THNSL2: variants seen among roughly 807,000 people sequenced by gnomAD.
THNSL2 encodes the protein threonine synthase like 2.
THNSL2 carries 34 observed loss-of-function variants against 40.0 expected under a neutral mutation model. The observed-to-expected ratio is 0.85, with a 90% CI of 0.65 to 1.13. The LOEUF (loss-of-function observed/expected upper bound fraction) is 1.13. THNSL2 is among the 50% of genes most tolerant of loss of function. The pLI is 0.00. For synonymous variants in THNSL2, 241 were observed against 247.5 expected (o/e 0.97, Z 0.25); for missense variants, 537 against 608.8 (o/e 0.88, Z 1.24).
At position 88,173,330 on chromosome 2, in the gene THNSL2, C is replaced by T. The variant is rs1676561188; in HGVS notation, c.180C>T (p.Ala60=). Residue 60 remains alanine, a synonymous_variant, in exon 2 of 9, where the codon GCC becomes GCT. Transcript: ENST00000674334. ...SYPGLVKELC[A]LFIGSELLPK... ...CTGGCCTGGTGAAGGAGCTGTGTGC[C>T]CTCTTCATTGGCTCTGAGCTCCTTC... is the stretch of plus-strand genomic sequence containing the variant. The T allele has an allele frequency of 6.2e-7, 1 of 1,611,798 alleles. No individual in the cohort carries two copies. Among genetic ancestry groups the T allele is most frequent in the South Asian group, 1.1e-5 (1 of 90,936 alleles).
In THNSL2 at chr2:88,175,276, C is replaced by A; in HGVS notation, c.446C>A (p.Ala149Asp). 1.2e-6 allele frequency: 2 copies of A among 1,614,122 alleles called. No homozygotes were observed. The highest frequency in any genetic ancestry group is 1.7e-5 in the Admixed American group (1 of 60,008). ...VGTSGDTGSA[A>D]IESVQGAKNM... ...ACATCTGGGGACACAGGAAGTGCTG[C>A]CATTGAGAGTGTTCAAGGGGCAAAG... is the stretch of plus-strand genomic sequence containing the variant. The change falls in exon 4 of 9, where the codon GCC becomes GAC. Residue 149 changes from alanine (A) to aspartate (D), a missense_variant. Ala to Asp is a moderately radical substitution (Grantham distance 126). Transcript: ENST00000674334.
chr2:88,177,428 A>G (rs1677053937), intron 4 of THNSL2, among the ~76,000 whole-genome samples: 1 of 152,220 alleles, frequency 6.6e-6, no homozygotes, highest in Admixed American at 6.5e-5. Context: ...TACATTGTAT[A>G]CTTGGTTCTT....
At position 88,186,472 on chromosome 2, in the gene THNSL2, G is replaced by A. The variant is rs886246702; in HGVS notation, c.*349G>A. 1 of 279,494 alleles carries A rather than the reference G, an allele frequency of 3.6e-6. No individual in the cohort carries two copies. The highest frequency in any genetic ancestry group is 4.4e-5 in the Admixed American group (1 of 22,776). 17.3% of individuals were successfully genotyped at this position (279,494 alleles called of 1,614,324 possible). A position where few individuals can be genotyped will look rare whatever the true frequency, so the allele number is the denominator to read the frequency against. Reference sequence around the variant, plus strand: ...GGACCCCAGACCTGTGAAGGTGGGAGCAGCTCACCACCTTCACGCAGGCTT... The same window carrying A: ...GGACCCCAGACCTGTGAAGGTGGGAACAGCTCACCACCTTCACGCAGGCTT... On this transcript the variant is annotated 3_prime_UTR_variant, in exon 9 of 9. Coordinates refer to ENST00000674334, the MANE Select transcript of THNSL2 (RefSeq NM_018271.5).
At position 88,183,018 on chromosome 2, in the gene THNSL2, T is replaced by G. The variant is rs780510964; in HGVS notation, c.1022T>G (p.Met341Arg). Residue 341 changes from methionine (M) to arginine (R), a missense_variant, in exon 7 of 9, where the codon ATG becomes AGG. Physicochemically the swap from Met to Arg is moderately conservative, Grantham distance 91. Coordinates refer to ENST00000674334, the MANE Select transcript of THNSL2 (RefSeq NM_018271.5). Reference protein sequence around the residue: ...GSDSQVTRALMEQFERTQSVN... With the variant: ...GSDSQVTRALREQFERTQSVN... ...GACAGCCAGGTGACAAGAGCCCTCA[T>G]GGAGCAGTTTGAAAGGACCCAAAGT... The G allele has an allele frequency of 6.2e-7, 1 of 1,613,916 alleles. No homozygotes were observed. The highest frequency in any genetic ancestry group is 2.2e-5 in the East Asian group (1 of 44,882).
chr2:88,183,210 CT>C, intron 7 of THNSL2, 137 bp downstream of exon 7: 1 of 1,157,400 alleles, frequency 8.6e-7, no homozygotes, highest in Non-Finnish European at 1.2e-6. Flanking sequence ...TTTACGGCCA[CT>C]TTACATGGAA....
chr2:88,182,950 G>C lies in THNSL2; in HGVS notation c.954G>C (p.Val318=). The change falls in exon 7 of 9, where the codon GTG becomes GTC. Residue 318 remains valine (V), a splice_region_variant and synonymous_variant. Coordinates refer to ENST00000674334, the MANE Select transcript of THNSL2 (RefSeq NM_018271.5). Reference sequence around the variant, plus strand: ...CCTGAAACTGACTTTCTGCTCAGGTGCCCTACAACATGGAGAGGGTGTTCT... The same window carrying C: ...CCTGAAACTGACTTTCTGCTCAGGTCCCCTACAACATGGAGAGGGTGTTCT... The part of the protein sequence containing the change: ...STLASAMDIQ[V]PYNMERVFWL... 6.2e-7 allele frequency: 1 copy of C among 1,614,154 alleles called. No individual in the cohort carries two copies. The highest frequency in any genetic ancestry group is 8.5e-7 in the Non-Finnish European group (1 of 1,180,032).
chr2:88,171,074 G>A (rs79892776), intron 1 of THNSL2, among the ~76,000 whole-genome samples: 16,982 of 152,150 alleles, frequency 0.11, 1,157 homozygotes, highest in Admixed American at 0.18. Context: ...AATCCCAGGG[G>A]ACACGTAGTC....
chr2:88,172,730 G>C (rs35701411), intron 1 of THNSL2: 47,464 of 156,014 alleles, frequency 0.3, 7,718 homozygotes, highest in Middle Eastern at 0.37. Context: ...AGTGGACCGA[G>C]ACGTCCCTGA....
chr2:88,183,396 G>A (rs13425241), intron 7 of THNSL2: 46,146 of 224,414 alleles, frequency 0.21, 6,278 homozygotes, highest in East Asian at 0.5. Flanking sequence ...TGAGATTTAA[G>A]TCAAATAATA....
At position 88,179,849 on chromosome 2, in the gene THNSL2, G is replaced by A. The variant is rs373079581; in HGVS notation, c.802+836G>A. Among the ~76,000 whole-genome samples the A allele has an allele frequency of 1.6e-4, 24 of 152,320 alleles. No individual in the cohort carries two copies. In the East Asian group the frequency reaches 3.9e-3, roughly 25 times the overall value. On this transcript the variant is annotated intron_variant, in intron 5 of 8. Coordinates refer to ENST00000674334, the MANE Select transcript of THNSL2 (RefSeq NM_018271.5). ...CTGGTTACAGAGCTGGGCCAGAAGC[G>A]CGACCCAGGTAGTCTGGCTGCAGAG...
At position 88,186,433 on chromosome 2, in the gene THNSL2, G is replaced by A. The variant is rs995102450; in HGVS notation, c.*310G>A. 6.2e-6 allele frequency: 2 copies of A among 322,246 alleles called. No individual in the cohort carries two copies. The highest frequency in any genetic ancestry group is 5.4e-5 in the African/African-American group (2 of 36,948). The allele number at this position is 322,246 out of a possible 1,614,324, so 20.0% of individuals were successfully genotyped here. A position where few individuals can be genotyped will look rare whatever the true frequency, so the allele number is the denominator to read the frequency against. The stretch of plus-strand genomic sequence containing the variant: ...AGGCTTGGGCACAGGACTGACCATG[G>A]CTCCAGGGGTTTAGGACCCCAGACC... On this transcript the variant is annotated 3_prime_UTR_variant, in exon 9 of 9. Coordinates refer to ENST00000674334, the MANE Select transcript of THNSL2 (RefSeq NM_018271.5).
chr2:88,173,122 G>T lies in THNSL2; in HGVS notation c.-12-17G>T. On this transcript the variant is annotated splice_polypyrimidine_tract_variant and intron_variant, in intron 1 of 8. Transcript: ENST00000674334. The stretch of plus-strand genomic sequence containing the variant: ...GAGCTTGGAGACCAGGTGCTTCTGG[G>T]ACTGTCCTCTCTGCAGGCCTCCAGG... 6.7e-7 allele frequency: 1 copy of T among 1,485,108 alleles called. No individual in the cohort carries two copies. Among genetic ancestry groups the T allele is most frequent in the South Asian group, 1.4e-5 (1 of 70,994 alleles). The allele number at this position is 1,485,108 out of a possible 1,614,324, so 92.0% of individuals were successfully genotyped here. A position where few individuals can be genotyped will look rare whatever the true frequency, so the allele number is the denominator to read the frequency against.
chr2:88,174,842 T>C lies in THNSL2; in HGVS notation c.418+9T>C. ...CGTCACTGTGGTTGTAGGTGTGTTT[T>C]TGGGGCACAAACGCAGAATACCTGA... On this transcript the variant is annotated intron_variant, in intron 3 of 8. Transcript: ENST00000674334. 1 of 1,613,360 alleles carries C rather than the reference T, an allele frequency of 6.2e-7. No individual in the cohort carries two copies. Among genetic ancestry groups the C allele is most frequent in the Non-Finnish European group, 8.5e-7 (1 of 1,179,422 alleles).
chr2:88,175,467 A>G, intron 4 of THNSL2, 66 bp downstream of exon 4: 1 of 1,580,290 alleles, frequency 6.3e-7, no homozygotes, highest in Non-Finnish European at 8.6e-7. Flanking sequence ...GCTTTGGGAG[A>G]TGGACTGGAA....
intron 7 of THNSL2, among the ~76,000 whole-genome samples, chr2:88,184,181 T>G (rs939220453): frequency 6.6e-6 from 1 of 152,198 alleles, no homozygotes; most frequent in Admixed American, 6.6e-5. Flanking sequence ...CTTCTTTTGA[T>G]GCACCCAAAG....
At chr2:88,174,560 CTT>C in intron 2 of THNSL2, 77 bp from the exon 3 acceptor site, 2 of 1,477,032 alleles carry the variant, frequency 1.4e-6, no homozygotes, top group East Asian at 4.6e-5. Context: ...GAGTTGGAAA[CTT>C]TATATTCAGA....
rs768760412 is a variant in THNSL2, at chr2:88,173,178, G to T, written c.28G>T (p.Ala10Ser). The T allele has an allele frequency of 1.9e-6, 3 of 1,591,242 alleles. No homozygotes were observed. The African/African-American group carries it at 4.0e-5, about 21-fold the overall frequency. Reference protein sequence around the residue: MWYVSTRGVAPRVNFEGALF... With the variant: MWYVSTRGVSPRVNFEGALF... ...GTGGTATGTCAGCACCAGGGGCGTA[G>T]CCCCACGGGTCAACTTTGAGGGGGC... Residue 10 changes from alanine to serine, a missense_variant, in exon 2 of 9, where the codon GCC (alanine) becomes TCC (serine). Physicochemically the swap from Ala to Ser is moderately conservative, Grantham distance 99. Transcript: ENST00000674334.
At chr2:88,174,974 A>G (rs1676758826) in intron 3 of THNSL2, 141 bp downstream of exon 3, 2 of 1,064,790 alleles carry the variant, frequency 1.9e-6, no homozygotes, top group Non-Finnish European at 2.7e-6. Context: ...TTCTGGTGCC[A>G]TAGACCCCTT....
intron 7 of THNSL2, among the ~76,000 whole-genome samples, 200 bp from the exon 8 acceptor site, chr2:88,185,128 C>T (rs1026501940): frequency 2.6e-5 from 4 of 152,314 alleles, no homozygotes; most frequent in Middle Eastern, 3.4e-3. Context: ...AAAACTCAAA[C>T]GTATCTTTCC....
Sources: gnomAD v4.1 joint callset for allele counts (sites outside exome capture counted in the v4.1 genomes callset) on GRCh38, gnomAD v4.1.1 for gene constraint, MANE v1.5 for transcripts, NCBI Gene and HGNC (gene_info 2026-07-23, HGNC 2026-07-21) for gene names.